The following TMEM131 variants were observed in gnomAD, a reference collection of about 807,000 sequenced individuals.
TMEM131 encodes the protein transmembrane protein 131, also known as 2610524E03Rik.
In TMEM131, 66 loss-of-function variants were observed where a neutral mutation model predicts 211.6. The observed-to-expected ratio is 0.31, with a 90% CI of 0.26 to 0.38. The LOEUF is 0.38. TMEM131 is among the 10% of genes least tolerant of loss of function. TMEM131 has a pLI of 1.00. For missense variants in TMEM131, 2,036 were observed against 2,299.3 expected (o/e 0.89, Z 2.34); for synonymous variants, 844 against 841.3 (o/e 1.00, Z -0.06).
chr2:97,860,398 C>T (rs1473962515), intron 4 of TMEM131, among the ~76,000 whole-genome samples: 1 of 152,162 alleles, frequency 6.6e-6, no homozygotes, highest in African/African-American at 2.4e-5. Context: ...AATATACACC[C>T]TTCTTTCACA....
intron 26 of TMEM131, 28 bp downstream of exon 26, chr2:97,797,337 G>A (rs749045960): frequency 1.3e-6 from 2 of 1,538,718 alleles, no homozygotes; most frequent in Non-Finnish European, 1.7e-6. Context: ...TAGTAAAAAT[G>A]AACCCACACC....
intron 25 of TMEM131, among the ~76,000 whole-genome samples, chr2:97,801,001 G>A (rs1681010672): frequency 6.6e-6 from 1 of 152,178 alleles, no homozygotes. Context: ...ATGTAAGCTC[G>A]CCTTAAAGAC....
chr2:97,956,839 C>T (rs1299641692), intron 1 of TMEM131, among the ~76,000 whole-genome samples: 1 of 152,060 alleles, frequency 6.6e-6, no homozygotes, highest in African/African-American at 2.4e-5. Context: ...TGGCTCACGG[C>T]TGTAATCCCA....
intron 1 of TMEM131, among the ~76,000 whole-genome samples, chr2:97,958,961 T>C (rs1289982909): frequency 1.9e-4 from 29 of 152,106 alleles, no homozygotes; most frequent in Non-Finnish European, 4.4e-5. Context: ...AGAGGGCATG[T>C]GTCATGGAAG....
At chr2:97,917,671 G>C (rs1676563128) in intron 2 of TMEM131, among the ~76,000 whole-genome samples, 1 of 152,218 alleles carries the variant, frequency 6.6e-6, no homozygotes, top group African/African-American at 2.4e-5. Flanking sequence ...GCAGCAGCAA[G>C]AAGTGCTGAG....
intron 1 of TMEM131, among the ~76,000 whole-genome samples, chr2:97,957,193 G>GA (rs927486297): frequency 2.6e-5 from 4 of 151,556 alleles, no homozygotes; most frequent in Non-Finnish European, 4.4e-5. Context: ...ATTCCAAAAG[G>GA]AAAAAAATTG....
intron 1 of TMEM131, among the ~76,000 whole-genome samples, chr2:97,960,450 G>C (rs1678767334): frequency 6.6e-6 from 1 of 151,682 alleles, no homozygotes; most frequent in African/African-American, 2.4e-5. Context: ...TTTGGCCAAT[G>C]AGAATCCCTT....
Position 97,762,164 on chromosome 2 carries a change from A to G in TMEM131, c.4760T>C (p.Leu1587Pro). 6.2e-7 allele frequency: 1 copy of G among 1,613,970 alleles called. No homozygotes were observed. Among genetic ancestry groups the G allele is most frequent in the Non-Finnish European group, 8.5e-7 (1 of 1,179,874 alleles). Reference protein sequence around the residue: ...DSLYKLSLQTLNADIFLKQRQ... With the variant: ...DSLYKLSLQTPNADIFLKQRQ... ...TTGTTTTAAGAAAATGTCTGCGTTG[A>G]GGGTTTGCAGAGAAAGTTTATAAAG... Residue 1587 changes from leucine to proline, a missense_variant, in exon 36 of 41, where the codon CTC (leucine) becomes CCC (proline). Physicochemically the swap from Leu to Pro is moderately conservative, Grantham distance 98. Transcript: ENST00000186436.
chr2:97,883,370 T>C (rs937067776), intron 4 of TMEM131, among the ~76,000 whole-genome samples: 4 of 152,230 alleles, frequency 2.6e-5, no homozygotes, highest in African/African-American at 9.6e-5. Flanking sequence ...CTGTGTCAAC[T>C]GACCCTTGCT....
intron 1 of TMEM131, among the ~76,000 whole-genome samples, chr2:97,985,220 ACT>A (rs914520964): frequency 2.0e-5 from 3 of 152,122 alleles, no homozygotes; most frequent in Non-Finnish European, 4.4e-5. Flanking sequence ...CTTTTTCATC[ACT>A]CTTATTTAAC....
intron 1 of TMEM131, among the ~76,000 whole-genome samples, chr2:97,936,183 C>T (rs1374500297): frequency 2.0e-5 from 3 of 152,190 alleles, no homozygotes; most frequent in Admixed American, 6.5e-5. Context: ...AAAAATTTGG[C>T]TGCAGAACAA....
intron 22 of TMEM131, among the ~76,000 whole-genome samples, chr2:97,803,022 A>T (rs1198891693): frequency 1.3e-5 from 2 of 152,236 alleles, no homozygotes; most frequent in Non-Finnish European, 2.9e-5. Flanking sequence ...CTGAATATAG[A>T]AAGGATGATA....
chr2:97,947,872 T>G (rs1420518509), intron 1 of TMEM131, among the ~76,000 whole-genome samples: 1 of 152,140 alleles, frequency 6.6e-6, no homozygotes, highest in Non-Finnish European at 1.5e-5. Flanking sequence ...ACTCCAAAAG[T>G]AGACCCCCAC....
Position 97,757,292 on chromosome 2 carries a change from G to A in TMEM131, c.5459C>T (p.Thr1820Ile), listed in dbSNP as rs753441625. 3 of 1,613,954 alleles carry A rather than the reference G, an allele frequency of 1.9e-6. No individual in the cohort carries two copies. The Admixed American group carries it at 5.0e-5, about 27-fold the overall frequency. ...GCTTGCCAGCGTGTTTGCTGGAGTG[G>A]TGAAGGGAAGGGCGCTGCTAAGGTT... ...SSNLSSALPF[T>I]TPANTLASIG... Residue 1820 changes from threonine (T) to isoleucine (I), a missense_variant, in exon 41 of 41, where the codon ACC (threonine) becomes ATC (isoleucine). Coordinates refer to ENST00000186436, the MANE Select transcript of TMEM131 (RefSeq NM_015348.2).
intron 19 of TMEM131, among the ~76,000 whole-genome samples, chr2:97,807,579 C>A (rs1397694106): frequency 1.3e-5 from 2 of 152,188 alleles, no homozygotes; most frequent in African/African-American, 2.4e-5. Flanking sequence ...GAACTGTGAA[C>A]CAAATACACC....
chr2:97,863,883 CAAAA>C (rs1674162767), intron 4 of TMEM131, among the ~76,000 whole-genome samples: 1 of 152,110 alleles, frequency 6.6e-6, no homozygotes, highest in Admixed American at 6.5e-5. Context: ...AGTATACACC[CAAAA>C]TAAAGGAAAT....
At chr2:97,822,586 T>G (rs1243070220) in intron 11 of TMEM131, among the ~76,000 whole-genome samples, 2 of 152,156 alleles carry the variant, frequency 1.3e-5, no homozygotes, top group Non-Finnish European at 1.5e-5. Context: ...TTCTTGGTCC[T>G]CTTTGTGGTA....
chr2:97,863,106 C>T (rs1481942428), intron 4 of TMEM131, among the ~76,000 whole-genome samples: 2 of 151,912 alleles, frequency 1.3e-5, no homozygotes, highest in African/African-American at 4.8e-5. Flanking sequence ...AAGGCAACAA[C>T]AACAAAAAAA....
At chr2:97,959,479 G>A (rs1678718671) in intron 1 of TMEM131, among the ~76,000 whole-genome samples, 1 of 152,030 alleles carries the variant, frequency 6.6e-6, no homozygotes, top group Non-Finnish European at 1.5e-5. Flanking sequence ...TAAAACAACT[G>A]TATTTATCAG....
Sources: gnomAD v4.1 joint callset for allele counts (sites outside exome capture counted in the v4.1 genomes callset) on GRCh38, gnomAD v4.1.1 for gene constraint, MANE v1.5 for transcripts, NCBI Gene and HGNC (gene_info 2026-07-23, HGNC 2026-07-21) for gene names.